The following MYO16 variants were observed in gnomAD, a reference collection of about 807,000 sequenced individuals.
MYO16 encodes myosin XVI.
MYO16 carries 94 observed loss-of-function variants against 205.3 expected under a neutral mutation model. That is an observed-to-expected ratio of 0.46 (90% CI 0.39 to 0.54). The LOEUF (loss-of-function observed/expected upper bound fraction) is 0.54. Among genes scored for constraint, MYO16 ranks in the 20% least tolerant of loss-of-function variants. The pLI, the probability that MYO16 is intolerant of heterozygous loss-of-function variation, is 0.00. For synonymous variants in MYO16, 988 were observed against 954.0 expected, an observed-to-expected ratio of 1.04 and a Z score of -0.66; for missense variants, 2,315 against 2,387.5, an observed-to-expected ratio of 0.97 and a Z score of 0.63.
At chr13:108,827,614 G>A (rs775752070) in intron 9 of MYO16, among the ~76,000 whole-genome samples, 2 of 152,086 alleles carry the variant, frequency 1.3e-5, no homozygotes, top group Non-Finnish European at 2.9e-5. Context: ...TAATTTCAAA[G>A]GCCCTTCCAC....
rs1298768301 is a variant in MYO16 at position 109,141,227 on chromosome 13, C to T, written c.5015C>T (p.Ala1672Val). 1.9e-6 allele frequency: 3 copies of T among 1,606,886 alleles called. No homozygotes were observed. The highest frequency in any genetic ancestry group is 2.5e-6 in the Non-Finnish European group (3 of 1,176,648). ...GCCACCAGGGCGGACGCCAGGAAGG[C>T]CGGCTCCAGTGCCTCGCCCCCCGCG... is the stretch of plus-strand genomic sequence containing the variant. ...VKATRADARK[A>V]GSSASPPAPY... The change falls in exon 32 of 35, where the codon GCC becomes GTC. Residue 1672 changes from alanine to valine, a missense_variant. Transcript: ENST00000457511. This position sits in a 1 kb window ranked among gnomAD's most constrained non-coding sequence, Gnocchi z 4.1.
At chr13:108,942,031 T>C (rs374745454) in intron 16 of MYO16, among the ~76,000 whole-genome samples, 56 of 151,706 alleles carry the variant, frequency 3.7e-4, no homozygotes, top group East Asian at 3.1e-3. Context: ...TGTGGATTAA[T>C]TGGCACAAAT....
chr13:108,668,048 C>T (rs1291185109), intron 2 of MYO16, among the ~76,000 whole-genome samples: 1 of 152,130 alleles, frequency 6.6e-6, no homozygotes, highest in Admixed American at 6.6e-5. Context: ...AAAAACACTT[C>T]TTTTAATGTA....
intron 15 of MYO16, among the ~76,000 whole-genome samples, chr13:108,901,766 A>T (rs748026569): frequency 6.6e-6 from 1 of 152,202 alleles, no homozygotes; most frequent in Non-Finnish European, 1.5e-5. Context: ...TGATTTGGTG[A>T]TCGTTTTTTA....
At chr13:109,097,008 C>G (rs1431275) in intron 27 of MYO16, among the ~76,000 whole-genome samples, 36,103 of 152,108 alleles carry the variant, frequency 0.24, 4,450 homozygotes, top group Middle Eastern at 0.3. Context: ...CAGACATTAT[C>G]AAACCTAACC....
At chr13:108,909,238 A>G (rs1881148377) in intron 15 of MYO16, among the ~76,000 whole-genome samples, 1 of 152,042 alleles carries the variant, frequency 6.6e-6, no homozygotes, top group South Asian at 2.1e-4. Flanking sequence ...CTACTATCAA[A>G]TAAATTTCAA....
chr13:108,935,054 G>C (rs1464076976), intron 16 of MYO16, among the ~76,000 whole-genome samples: 2 of 152,130 alleles, frequency 1.3e-5, no homozygotes, highest in African/African-American at 2.4e-5. Flanking sequence ...CTTGGGTAAT[G>C]TGATGCTTCT....
intron 7 of MYO16, 61 bp from the exon 8 acceptor site, chr13:108,820,276 T>G (rs1875892896): frequency 8.1e-7 from 1 of 1,234,462 alleles, no homozygotes; most frequent in African/African-American, 1.5e-5. Flanking sequence ...GTGTATGACT[T>G]ACTGATGTAT....
At chr13:108,921,213 G>A (rs1594397337) in intron 16 of MYO16, among the ~76,000 whole-genome samples, 1 of 152,138 alleles carries the variant, frequency 6.6e-6, no homozygotes, top group African/African-American at 2.4e-5. Flanking sequence ...CTTGTACCGG[G>A]CAACCCCAAG....
At chr13:108,849,184 T>A (rs996725991) in intron 10 of MYO16, among the ~76,000 whole-genome samples, 2 of 151,662 alleles carry the variant, frequency 1.3e-5, no homozygotes, top group Admixed American at 1.3e-4. Flanking sequence ...TGTTTTTTTG[T>A]TTTTGTTTTT....
chr13:108,754,423 T>G (rs1476984277), intron 4 of MYO16, among the ~76,000 whole-genome samples: 1 of 152,224 alleles, frequency 6.6e-6, no homozygotes, highest in Non-Finnish European at 1.5e-5. Context: ...ATGCACAGAT[T>G]ATTGACATAC....
the MYO16 span, among the ~76,000 whole-genome samples, chr13:108,522,179 C>A: frequency 1.3e-5 from 2 of 152,164 alleles, no homozygotes; most frequent in Non-Finnish European, 1.5e-5. Flanking sequence ...TTGATGTAGC[C>A]CAGAACTGGG....
chr13:109,195,855 G>A (rs999347884), intron 34 of MYO16, among the ~76,000 whole-genome samples: 3 of 152,098 alleles, frequency 2.0e-5, no homozygotes, highest in Admixed American at 6.6e-5. Context: ...TGATCCACAG[G>A]AATGCATATC....
chr13:108,640,953 G>C (rs956184792), intron 1 of MYO16, among the ~76,000 whole-genome samples: 24 of 152,172 alleles, frequency 1.6e-4, no homozygotes, highest in African/African-American at 5.8e-4. Context: ...ATGAAAACCT[G>C]TTCCAAACCA....
intron 15 of MYO16, among the ~76,000 whole-genome samples, chr13:108,902,537 C>T (rs1880759120): frequency 6.6e-6 from 1 of 152,194 alleles, no homozygotes; most frequent in Admixed American, 6.5e-5. Flanking sequence ...TTAATTGTCT[C>T]ACAGTTCTGG....
chr13:108,679,732 T>C (rs1882382343), intron 2 of MYO16, among the ~76,000 whole-genome samples: 1 of 149,494 alleles, frequency 6.7e-6, no homozygotes, highest in Non-Finnish European at 1.5e-5. Flanking sequence ...ATAATAATAA[T>C]AATAATAATA....
At chr13:108,687,528 C>T (rs1882725575) in intron 2 of MYO16, among the ~76,000 whole-genome samples, 1 of 150,930 alleles carries the variant, frequency 6.6e-6, no homozygotes, top group African/African-American at 2.4e-5. Flanking sequence ...CTGGGTTCTG[C>T]TCTGCATTCA....
chr13:108,992,569 A>C lies in MYO16; in HGVS notation c.2442+121A>C, dbSNP rs566331185. ...ATATGGAATTAAAATAAGTACTCTA[A>C]TGTTTTAAAATTAATATCTCTGGTT... On this transcript the variant is annotated intron_variant, in intron 21 of 34. Coordinates refer to ENST00000457511, the MANE Select transcript of MYO16 (RefSeq NM_001198950.3). 6 of 583,902 alleles carry C rather than the reference A, an allele frequency of 1.0e-5. No homozygotes were observed. The East Asian group carries it at 1.5e-4, about 15-fold the overall frequency. 36.2% of individuals were successfully genotyped at this position (583,902 alleles called of 1,614,324 possible).
intron 2 of MYO16, among the ~76,000 whole-genome samples, chr13:108,704,608 T>G (rs1387317729): frequency 6.6e-6 from 1 of 152,128 alleles, no homozygotes; most frequent in Non-Finnish European, 1.5e-5. Context: ...CTCTGACACA[T>G]GGGTAGCCTC....
Sources: allele counts gnomAD v4.1 joint callset (sites outside exome capture counted in the v4.1 genomes callset), GRCh38; gene constraint gnomAD v4.1.1; non-coding constraint Gnocchi (gnomAD v3.1); transcripts MANE v1.5; gene names NCBI Gene and HGNC (gene_info 2026-07-23, HGNC 2026-07-21).